The following CNDP1 variants were observed in gnomAD, a reference collection of about 807,000 sequenced individuals.
The protein encoded by CNDP1 is beta-Ala-His dipeptidase.
Under a neutral mutation model 58.1 loss-of-function variants are expected in CNDP1, and 44 were observed. That is an observed-to-expected ratio of 0.76 (90% CI 0.60 to 0.97). CNDP1 has a LOEUF of 0.97. Among genes scored for constraint, CNDP1 ranks in the 50% least tolerant of loss-of-function variants. The pLI is 0.00. For synonymous variants in CNDP1, 254 were observed against 252.6 expected (o/e 1.01, Z -0.05); for missense variants, 616 against 655.1 (o/e 0.94, Z 0.65).
In CNDP1 at chr18:74,580,125, T is replaced by C; in HGVS notation, c.1168-5T>C. On this transcript the variant is annotated splice_polypyrimidine_tract_variant and splice_region_variant and intron_variant, in intron 9 of 11. Coordinates refer to ENST00000358821, the MANE Select transcript of CNDP1 (RefSeq NM_032649.6). ...TCTCTTATCATTGAAAATGTCACCT[T>C]TTAGGTGACACGACATCTTGAAGAT... 6.2e-7 allele frequency: 1 copy of C among 1,609,636 alleles called. No homozygotes were observed. The highest frequency in any genetic ancestry group is 8.5e-7 in the Non-Finnish European group (1 of 1,176,674).
chr18:74,560,293 C>T (rs1042980429), intron 3 of CNDP1, among the ~76,000 whole-genome samples: 57 of 152,338 alleles, frequency 3.7e-4, no homozygotes, highest in African/African-American at 1.4e-3. Flanking sequence ...GGATTACAGG[C>T]ATGAGCCACC....
intron 1 of CNDP1, among the ~76,000 whole-genome samples, chr18:74,550,790 C>T (rs555862085): frequency 1.4e-4 from 21 of 151,104 alleles, no homozygotes; most frequent in South Asian, 2.1e-4. Flanking sequence ...TTAGTAGAGA[C>T]GGGGTTTCAC....
chr18:74,566,027 C>T (rs1981319723), intron 5 of CNDP1, among the ~76,000 whole-genome samples: 1 of 152,268 alleles, frequency 6.6e-6, no homozygotes, highest in South Asian at 2.1e-4. Flanking sequence ...CACCCGCAGG[C>T]TCAACACCAC....
At chr18:74,579,198 C>G (rs114460730) in intron 9 of CNDP1, among the ~76,000 whole-genome samples, 42,395 of 110,104 alleles carry the variant, frequency 0.39, 7,315 homozygotes, top group Admixed American at 0.51. Context: ...TCCTTCCCTT[C>G]CCTTGCCTTC....
At chr18:74,544,675 T>C (rs9955944) in intron 1 of CNDP1, among the ~76,000 whole-genome samples, 59,296 of 142,906 alleles carry the variant, frequency 0.41, 13,653 homozygotes, top group African/African-American at 0.64. Context: ...ACCAAGATCA[T>C]GTCACTGCAC....
In CNDP1 at chr18:74,573,557, G is replaced by A. The variant is rs146127539; in HGVS notation, c.841+2287G>A. On this transcript the variant is annotated intron_variant, in intron 7 of 11. Coordinates refer to ENST00000358821, the MANE Select transcript of CNDP1 (RefSeq NM_032649.6). ...TTTCCCATGCTTGACAATTCAGACG[G>A]AATACACCCAGCCATTTTCCCTTAA... 8.0e-3 allele frequency among the ~76,000 whole-genome samples: 1,221 copies of A among 152,282 alleles called. 7 individuals are homozygous for A. Among genetic ancestry groups the A allele is most frequent in the Non-Finnish European group, 0.013 (857 of 68,022 alleles).
chr18:74,565,772 A>G (rs1403452672), intron 5 of CNDP1, among the ~76,000 whole-genome samples: 1 of 152,128 alleles, frequency 6.6e-6, no homozygotes, highest in Non-Finnish European at 1.5e-5. Flanking sequence ...TCAAGCTGTC[A>G]GTGGATCTAC....
rs551108113 is a variant in CNDP1 at position 74,563,756 on chromosome 18, A to C, written c.555+1621A>C. On this transcript the variant is annotated intron_variant, in intron 5 of 11. Coordinates refer to ENST00000358821, the MANE Select transcript of CNDP1 (RefSeq NM_032649.6). ...CTCCCTGGGTTATTTTCTAGGAGGC[A>C]GAGTGAGCACTAATATCCATATTTC... Among the ~76,000 whole-genome samples, 90 of 152,342 alleles carry C rather than the reference A, an allele frequency of 5.9e-4. No individual in the cohort carries two copies. In the South Asian group the frequency reaches 8.5e-3, roughly 14 times the overall value.
At chr18:74,553,788 A>G (rs919798466) in intron 1 of CNDP1, among the ~76,000 whole-genome samples, 1 of 152,152 alleles carries the variant, frequency 6.6e-6, no homozygotes, top group Admixed American at 6.5e-5. Flanking sequence ...TCTGCCCTGA[A>G]TGCCTGCCCT....
chr18:74,556,201 C>T lies in CNDP1; in HGVS notation c.25-137C>T, dbSNP rs182387051. 68 of 891,184 alleles carry T rather than the reference C, an allele frequency of 7.6e-5. No individual in the cohort carries two copies. The Admixed American group carries it at 1.8e-3, about 23-fold the overall frequency. 55.2% of individuals were successfully genotyped at this position (891,184 alleles called of 1,614,324 possible). ...AGCAAAAAATACATGTTTGGTTCTACCGCCTTGTGTTATTTTATTCCGACT... is the reference window on the plus strand; with the variant it reads ...AGCAAAAAATACATGTTTGGTTCTATCGCCTTGTGTTATTTTATTCCGACT... On this transcript the variant is annotated intron_variant, in intron 1 of 11. Transcript: ENST00000358821.
At chr18:74,536,610 C>T (rs1244483955) in intron 1 of CNDP1, among the ~76,000 whole-genome samples, 1 of 152,194 alleles carries the variant, frequency 6.6e-6, no homozygotes, top group Non-Finnish European at 1.5e-5. Context: ...CATTCACATT[C>T]ATGTGTCTTT....
chr18:74,563,430 G>T (rs1365716888), intron 5 of CNDP1, among the ~76,000 whole-genome samples: 1 of 151,966 alleles, frequency 6.6e-6, no homozygotes, highest in East Asian at 1.9e-4. Flanking sequence ...TTATAAGATT[G>T]TTCTGATAAA....
In CNDP1 at chr18:74,567,261, T is replaced by C. The variant is rs762861558; in HGVS notation, c.584T>C (p.Ile195Thr). The part of the protein sequence containing the change: ...QDLPVNIKFI[I>T]EGMEEAGSVA... Reference sequence around the variant, plus strand: ...CTTCCTGTGAATATCAAATTCATCATTGAGGGGATGGAAGAGGCTGGCTCT... The same window carrying C: ...CTTCCTGTGAATATCAAATTCATCACTGAGGGGATGGAAGAGGCTGGCTCT... The change falls in exon 6 of 12, where the codon ATT becomes ACT. Residue 195 changes from isoleucine (I) to threonine (T), a missense_variant. Transcript: ENST00000358821. 7 of 1,613,998 alleles carry C rather than the reference T, an allele frequency of 4.3e-6. No individual in the cohort carries two copies. Among genetic ancestry groups the C allele is most frequent in the South Asian group, 1.1e-5 (1 of 91,080 alleles).
chr18:74,534,608 C>G lies in CNDP1; in HGVS notation c.-60C>G. On this transcript the variant is annotated 5_prime_UTR_variant, in exon 1 of 12. Transcript: ENST00000358821. ...ACCCTCTTGGGGCTTTCATGGGACTCCCTCTGCCACATTTTTTGGAGGTTG... is the reference window on the plus strand; with the variant it reads ...ACCCTCTTGGGGCTTTCATGGGACTGCCTCTGCCACATTTTTTGGAGGTTG... The G allele has an allele frequency of 6.3e-7, 1 of 1,585,796 alleles. No homozygotes were observed. The highest frequency in any genetic ancestry group is 8.7e-7 in the Non-Finnish European group (1 of 1,154,568).
intron 7 of CNDP1, chr18:74,576,261 G>A (rs1775748706): frequency 1.4e-5 from 2 of 143,840 alleles, no homozygotes; most frequent in Admixed American, 7.0e-5. Flanking sequence ...AACTTCCTGG[G>A]ATCAATGATC....
chr18:74,548,056 C>T (rs988555133), intron 1 of CNDP1, among the ~76,000 whole-genome samples: 1 of 152,208 alleles, frequency 6.6e-6, no homozygotes, highest in South Asian at 2.1e-4. Context: ...CAGGACTCAC[C>T]CTGCGCATCC....
At position 74,583,513 on chromosome 18, in the gene CNDP1, G is replaced by A. The variant is rs73478684; in HGVS notation, c.1310-48G>A. 7.0e-4 allele frequency: 1,071 copies of A among 1,538,328 alleles called. 8 individuals are homozygous for A. In the African/African-American group the frequency reaches 0.01, roughly 15 times the overall value. On this transcript the variant is annotated intron_variant, in intron 10 of 11. Transcript: ENST00000358821. ...CACTGACCTTGAGGAGCTTCCTGGG[G>A]GTGTTCTTGTCCTTACCCTATTCAA...
rs1981917298 is a variant in CNDP1, at chr18:74,586,476, TATAAA to T, written c.*1918_*1922del. 6.6e-6 allele frequency: 1 copy of T among 152,214 alleles called. No individual in the cohort carries two copies. The highest frequency in any genetic ancestry group is 1.5e-5 in the Non-Finnish European group (1 of 68,050). 9.4% of individuals were successfully genotyped at this position (152,214 alleles called of 1,614,324 possible). On this transcript the variant is annotated 3_prime_UTR_variant, in exon 12 of 12. Transcript: ENST00000358821. Reference sequence around the variant, plus strand: ...TGTTAGTCCATTAACATAAGTTTATTATAAAATACACTGTAAGCATTTCTGGCTAA... The same window carrying T: ...TGTTAGTCCATTAACATAAGTTTATTATACACTGTAAGCATTTCTGGCTAA...
In CNDP1 at chr18:74,571,211, A is replaced by G; in HGVS notation, c.782A>G (p.His261Arg). 1 of 1,612,986 alleles carries G rather than the reference A, an allele frequency of 6.2e-7. No homozygotes were observed. The highest frequency in any genetic ancestry group is 8.5e-7 in the Non-Finnish European group (1 of 1,179,206). Reference sequence around the variant, plus strand: ...GTGAAATGCAGAGACCAGGATTTTCACTCAGGAACCTTTGGTGGCATCCTT... The same window carrying G: ...GTGAAATGCAGAGACCAGGATTTTCGCTCAGGAACCTTTGGTGGCATCCTT... ...VEVKCRDQDFHSGTFGGILHE... is the reference protein window; with the variant it reads ...VEVKCRDQDFRSGTFGGILHE... The change falls in exon 7 of 12, where the codon CAC (histidine) becomes CGC (arginine). Residue 261 changes from histidine (H) to arginine (R), a missense_variant. His to Arg is a conservative substitution (Grantham distance 29). Transcript: ENST00000358821.
Sources: gnomAD v4.1 joint callset for allele counts (sites outside exome capture counted in the v4.1 genomes callset) on GRCh38, gnomAD v4.1.1 for gene constraint, MANE v1.5 for transcripts, NCBI Gene and HGNC (gene_info 2026-07-23, HGNC 2026-07-21) for gene names.